Variants in SORCS1 observed in about 807,000 individuals in gnomAD.
SORCS1 encodes the protein sortilin related VPS10 domain containing receptor 1.
In SORCS1, 60 loss-of-function variants were observed where a neutral mutation model predicts 146.1. That is an observed-to-expected ratio of 0.41 (90% CI 0.33 to 0.51). The LOEUF (loss-of-function observed/expected upper bound fraction) is 0.51. Among genes scored for constraint, SORCS1 ranks in the 20% least tolerant of loss-of-function variants. The pLI is 0.21. For synonymous variants in SORCS1, 637 were observed against 584.0 expected (o/e 1.09, Z -1.31); for missense variants, 1,352 against 1,487.6 (o/e 0.91, Z 1.50).
At chr10:107,153,678 C>T (rs890679000) in intron 1 of SORCS1, among the ~76,000 whole-genome samples, 1 of 152,210 alleles carries the variant, frequency 6.6e-6, no homozygotes, top group Non-Finnish European at 1.5e-5. Context: ...AAACAGGCAA[C>T]TTGAATGTGA....
At chr10:107,024,191 AAAG>A (rs1564938975) in intron 1 of SORCS1, among the ~76,000 whole-genome samples, 7 of 150,236 alleles carry the variant, frequency 4.7e-5, no homozygotes, top group African/African-American at 1.5e-4. Flanking sequence ...AAAAAAAAAA[AAAG>A]AAGAAGAGAG....
intron 2 of SORCS1, among the ~76,000 whole-genome samples, chr10:106,939,399 T>TCTGA (rs34394728): frequency 0.17 from 25,817 of 152,106 alleles, 3,070 homozygotes; most frequent in East Asian, 0.38. Context: ...TTCACACTGG[T>TCTGA]CTGACTCAAT....
chr10:107,143,067 G>T (rs1044563303), intron 1 of SORCS1, among the ~76,000 whole-genome samples: 1 of 152,150 alleles, frequency 6.6e-6, no homozygotes, highest in Non-Finnish European at 1.5e-5. Context: ...CACTGGCCCT[G>T]CCCTCTATAG....
intron 1 of SORCS1, among the ~76,000 whole-genome samples, chr10:106,994,086 A>AGG (rs781524208): frequency 3.0e-5 from 4 of 135,016 alleles, no homozygotes; most frequent in Middle Eastern, 3.8e-3. Flanking sequence ...AAAAAAAAAA[A>AGG]AGAAAATGAG....
chr10:107,119,425 C>T (rs891674644), intron 1 of SORCS1, among the ~76,000 whole-genome samples: 1 of 152,108 alleles, frequency 6.6e-6, no homozygotes, highest in Non-Finnish European at 1.5e-5. Flanking sequence ...TAGCAGTAAT[C>T]CAATTTAATC....
At chr10:106,620,166 G>A (rs745866136) in intron 20 of SORCS1, 7 of 335,372 alleles carry the variant, frequency 2.1e-5, no homozygotes, top group Non-Finnish European at 3.8e-5. Flanking sequence ...GCTGCTAAGA[G>A]TCACTACAAA....
intron 10 of SORCS1, among the ~76,000 whole-genome samples, chr10:106,684,078 G>A (rs1174760259): frequency 6.6e-6 from 1 of 152,200 alleles, no homozygotes; most frequent in African/African-American, 2.4e-5. Context: ...GCTCATGCCT[G>A]TAATCCCAGC....
At chr10:106,838,882 T>G (rs948585259) in intron 2 of SORCS1, among the ~76,000 whole-genome samples, 24 of 152,350 alleles carry the variant, frequency 1.6e-4, no homozygotes, top group African/African-American at 5.8e-4. Flanking sequence ...TGGAGATCCG[T>G]GATCAGTGAT....
intron 1 of SORCS1, among the ~76,000 whole-genome samples, chr10:107,122,909 A>G (rs2134556091): frequency 6.6e-6 from 1 of 152,336 alleles, no homozygotes; most frequent in South Asian, 2.1e-4. Context: ...AGGCAAAGAC[A>G]GTATCAGTCA....
chr10:106,615,631 T>C (rs56326502), intron 21 of SORCS1, among the ~76,000 whole-genome samples: 2,047 of 152,134 alleles, frequency 0.013, 56 homozygotes, highest in African/African-American at 0.047. Flanking sequence ...CTGGGCAACA[T>C]AGGGAGACCC....
intron 5 of SORCS1, among the ~76,000 whole-genome samples, chr10:106,758,709 G>T (rs1421013094): frequency 6.6e-6 from 1 of 152,032 alleles, no homozygotes; most frequent in Non-Finnish European, 1.5e-5. Flanking sequence ...AGAGATGAAG[G>T]TTTCTCATGA....
chr10:107,109,469 C>T (rs1375871291), intron 1 of SORCS1, among the ~76,000 whole-genome samples: 1 of 152,150 alleles, frequency 6.6e-6, no homozygotes, highest in Non-Finnish European at 1.5e-5. Context: ...TATCTGGGGC[C>T]CTCTGAGCCA....
chr10:107,166,447 A>C (rs1435873490), upstream of SORCS1, among the ~76,000 whole-genome samples: 1 of 152,226 alleles, frequency 6.6e-6, no homozygotes, highest in East Asian at 1.9e-4. Flanking sequence ...CAGCCATTAA[A>C]CTTGAGTACC....
chr10:107,015,334 T>C (rs1184200071), intron 1 of SORCS1, among the ~76,000 whole-genome samples: 2 of 152,264 alleles, frequency 1.3e-5, no homozygotes, highest in Admixed American at 1.3e-4. Context: ...ACTTGTGTTA[T>C]TGCCATCACA....
Position 107,013,929 on chromosome 10 carries a change from C to T in SORCS1, c.559-57349G>A, listed in dbSNP as rs181819604. ...CTAGATTGCCACAGAGAAGGCCCACCCAGTTATTTCTGGCTACCCTTGGAG... is the reference window on the plus strand; with the variant it reads ...CTAGATTGCCACAGAGAAGGCCCACTCAGTTATTTCTGGCTACCCTTGGAG... On this transcript the variant is annotated intron_variant, in intron 1 of 25. Transcript: ENST00000263054. Among the ~76,000 whole-genome samples, 3 of 152,188 alleles carry T rather than the reference C, an allele frequency of 2.0e-5. No individual in the cohort carries two copies. In the East Asian group the frequency reaches 5.8e-4, roughly 29 times the overall value.
rs201367087 is a variant in SORCS1, at chr10:106,796,493, G to A, written c.727-19801C>T. 6.6e-5 allele frequency among the ~76,000 whole-genome samples: 10 copies of A among 152,070 alleles called. No homozygotes were observed. In the East Asian group the frequency reaches 1.7e-3, roughly 26 times the overall value. On this transcript the variant is annotated intron_variant, in intron 3 of 25. Transcript: ENST00000263054. ...GCATTATACTCATAAGTCCCATCCCGGCAAGACTCAATTGCCAATGATACT... is the reference window on the plus strand; with the variant it reads ...GCATTATACTCATAAGTCCCATCCCAGCAAGACTCAATTGCCAATGATACT...
chr10:106,577,279 A>G lies in SORCS1; in HGVS notation c.*141T>C. 1 of 1,607,326 alleles carries G rather than the reference A, an allele frequency of 6.2e-7. No individual in the cohort carries two copies. Among genetic ancestry groups the G allele is most frequent in the Non-Finnish European group, 8.5e-7 (1 of 1,176,214 alleles). ...GCTTTGATTCTCAGCAACTATGGAA[A>G]TACTTCCTGGCAAAATAGGAAACAG... On this transcript the variant is annotated 3_prime_UTR_variant, in exon 26 of 26. Transcript: ENST00000263054.
chr10:106,746,078 T>C (rs1417603575), intron 5 of SORCS1, among the ~76,000 whole-genome samples: 1 of 152,094 alleles, frequency 6.6e-6, no homozygotes, highest in African/African-American at 2.4e-5. Context: ...GGAACTCCTA[T>C]GGATTTGAAG....
chr10:107,027,505 A>G (rs1398274488), intron 1 of SORCS1, among the ~76,000 whole-genome samples: 1 of 152,176 alleles, frequency 6.6e-6, no homozygotes, highest in Non-Finnish European at 1.5e-5. Flanking sequence ...CCAGCTAAGC[A>G]ATATTCGCTC....
Sources: gnomAD v4.1 joint callset for allele counts (sites outside exome capture counted in the v4.1 genomes callset) on GRCh38, gnomAD v4.1.1 for gene constraint, MANE v1.5 for transcripts, NCBI Gene and HGNC (gene_info 2026-07-23, HGNC 2026-07-21) for gene names.